CCDC91: variants seen among roughly 807,000 people sequenced by gnomAD.
CCDC91 encodes the protein coiled-coil domain-containing protein 91.
Under a neutral mutation model 63.2 loss-of-function variants are expected in CCDC91, and 48 were observed. That is an observed-to-expected ratio of 0.76 (90% CI 0.60 to 0.97). CCDC91 has a LOEUF of 0.97. Ranked by LOEUF, CCDC91 falls within the 50% of genes least tolerant of loss-of-function variation. The probability of loss-of-function intolerance (pLI) is 0.00; values close to 1 mark genes in which losing one functional copy is unlikely to be tolerated. For missense variants in CCDC91, 500 were observed against 494.6 expected (o/e 1.01, Z -0.10); for synonymous variants, 167 against 165.8 (o/e 1.01, Z -0.06).
At chr12:28,249,692 G>T (rs1466084480) in intron 1 of CCDC91, among the ~76,000 whole-genome samples, 1 of 151,906 alleles carries the variant, frequency 6.6e-6, no homozygotes, top group Non-Finnish European at 1.5e-5. Flanking sequence ...GTGACACTTA[G>T]GGATGTTTTG....
intron 8 of CCDC91, among the ~76,000 whole-genome samples, chr12:28,430,889 A>G (rs1286239302): frequency 2.6e-5 from 4 of 152,178 alleles, no homozygotes; most frequent in South Asian, 2.1e-4. Context: ...ATTTTTGACT[A>G]CTTGTCTTCG....
At chr12:28,292,856 C>T (rs767923056) in intron 3 of CCDC91, among the ~76,000 whole-genome samples, 3 of 152,058 alleles carry the variant, frequency 2.0e-5, no homozygotes, top group Non-Finnish European at 4.4e-5. Context: ...CCTCAAAACT[C>T]TAAAGTGAAT....
At chr12:28,252,890 T>G (rs1592112758) in intron 1 of CCDC91, among the ~76,000 whole-genome samples, 2 of 152,302 alleles carry the variant, frequency 1.3e-5, no homozygotes, top group Middle Eastern at 6.8e-3. Flanking sequence ...CTGTTCTGAG[T>G]GCTTCATCTG....
At chr12:28,275,777 T>C (rs894700401) in intron 3 of CCDC91, among the ~76,000 whole-genome samples, 1 of 152,106 alleles carries the variant, frequency 6.6e-6, no homozygotes, top group Non-Finnish European at 1.5e-5. Flanking sequence ...TCCACCATGA[T>C]CAAGTGGGCT....
chr12:28,450,005 GTT>G (rs553761621), intron 8 of CCDC91, among the ~76,000 whole-genome samples, 154 bp from the exon 9 acceptor site: 230 of 151,792 alleles, frequency 1.5e-3, no homozygotes, highest in African/African-American at 5.5e-3. Context: ...TGAATTTAGT[GTT>G]TTTTTCTCCT....
chr12:28,194,949 C>T (rs758044488), intron 1 of CCDC91, among the ~76,000 whole-genome samples: 11 of 152,144 alleles, frequency 7.2e-5, no homozygotes, highest in Non-Finnish European at 1.0e-4. Context: ...AAAGATAGTG[C>T]GGACCCAAAG....
At chr12:28,479,727 A>G (rs1488835868) in intron 11 of CCDC91, among the ~76,000 whole-genome samples, 3 of 152,072 alleles carry the variant, frequency 2.0e-5, no homozygotes, top group African/African-American at 7.2e-5. Context: ...CTGTGGACAT[A>G]GGATCATACT....
At chr12:28,439,726 CTTTTTTCTTTT>C (rs1447562287) in intron 8 of CCDC91, among the ~76,000 whole-genome samples, 1 of 129,710 alleles carries the variant, frequency 7.7e-6, no homozygotes, top group Non-Finnish European at 1.8e-5. Context: ...TTTTTTCTTT[CTTTTTTCTTTT>C]TTTTTTTTTT....
intron 3 of CCDC91, among the ~76,000 whole-genome samples, chr12:28,269,913 T>C (rs1485484336): frequency 6.6e-6 from 1 of 152,116 alleles, no homozygotes; most frequent in Admixed American, 6.6e-5. Context: ...AAGTTTTTTT[T>C]AGTCCCAATT....
At chr12:28,477,599 G>T (rs552061006) in intron 11 of CCDC91, among the ~76,000 whole-genome samples, 1 of 152,236 alleles carries the variant, frequency 6.6e-6, no homozygotes, top group South Asian at 2.1e-4. Flanking sequence ...TGAACATAGT[G>T]TTGGAAGTTC....
chr12:28,212,176 A>G (rs181394718), intron 1 of CCDC91, among the ~76,000 whole-genome samples: 1 of 152,284 alleles, frequency 6.6e-6, no homozygotes, highest in East Asian at 1.9e-4. Flanking sequence ...GGTCGTTAGA[A>G]GCTCTGCTTT....
intron 11 of CCDC91, among the ~76,000 whole-genome samples, chr12:28,482,118 T>C (rs1361563789): frequency 6.6e-6 from 1 of 151,978 alleles, no homozygotes; most frequent in Non-Finnish European, 1.5e-5. Context: ...ACTCATATAA[T>C]GTGAATATTC....
At chr12:28,201,901 G>A (rs1942476838) in intron 1 of CCDC91, among the ~76,000 whole-genome samples, 2 of 148,680 alleles carry the variant, frequency 1.3e-5, no homozygotes, top group Admixed American at 6.6e-5. Context: ...GGCGTCGCGT[G>A]CCTGCAATAG....
intron 11 of CCDC91, among the ~76,000 whole-genome samples, chr12:28,454,560 G>A (rs59193275): frequency 0.21 from 31,180 of 152,094 alleles, 4,195 homozygotes; most frequent in Non-Finnish European, 0.3. Context: ...TCTTGGACTG[G>A]GCAGGAGAGT....
At chr12:28,333,288 G>A (rs1011699121) in intron 6 of CCDC91, among the ~76,000 whole-genome samples, 2 of 151,698 alleles carry the variant, frequency 1.3e-5, no homozygotes, top group Non-Finnish European at 2.9e-5. Context: ...CCAGCTGCTC[G>A]GGAGGCTGAG....
chr12:28,278,049 T>C (rs1565720684), intron 3 of CCDC91, among the ~76,000 whole-genome samples: 1 of 152,038 alleles, frequency 6.6e-6, no homozygotes, highest in Non-Finnish European at 1.5e-5. Flanking sequence ...TCTCCGCATG[T>C]TCAGATCACA....
intron 12 of CCDC91, 35 bp downstream of exon 12, chr12:28,484,200 C>T: frequency 8.4e-7 from 1 of 1,191,536 alleles, no homozygotes; most frequent in Non-Finnish European, 1.2e-6. Context: ...ATTTGTGCTT[C>T]AATAAACTGA....
intron 12 of CCDC91, among the ~76,000 whole-genome samples, chr12:28,508,204 C>G (rs1012027427): frequency 6.6e-6 from 1 of 152,020 alleles, no homozygotes; most frequent in East Asian, 2.0e-4. Context: ...AACAGCTCCT[C>G]TATGATCCTG....
At chr12:28,266,033 T>A (rs1300938249) in intron 3 of CCDC91, among the ~76,000 whole-genome samples, 1 of 152,056 alleles carries the variant, frequency 6.6e-6, no homozygotes, top group Non-Finnish European at 1.5e-5. Flanking sequence ...TCTGTTTAAC[T>A]CCTAGGTTAT....
Sources: allele counts gnomAD v4.1 joint callset (sites outside exome capture counted in the v4.1 genomes callset), GRCh38; gene constraint gnomAD v4.1.1; transcripts MANE v1.5; gene names NCBI Gene and HGNC (gene_info 2026-07-23, HGNC 2026-07-21).